MARCO: variants seen among roughly 807,000 people sequenced by gnomAD.
The protein encoded by MARCO is macrophage receptor with collagenous structure.
Under a neutral mutation model 70.0 loss-of-function variants are expected in MARCO, and 72 were observed. The observed-to-expected ratio is 1.03, with a 90% CI of 0.85 to 1.25. The LOEUF (loss-of-function observed/expected upper bound fraction) is 1.25, where lower values mean the gene tolerates loss of function less well. MARCO is among the 50% of genes most tolerant of loss of function. MARCO has a pLI of 0.00. For missense variants in MARCO, 696 were observed against 659.3 expected, an observed-to-expected ratio of 1.06 and a Z score of -0.61; for synonymous variants, 273 against 243.1, an observed-to-expected ratio of 1.12 and a Z score of -1.14.
chr2:118,969,318 G>A lies in MARCO; in HGVS notation c.199+57G>A. ...CTGGGGGGAGAGGGGTGACCCAGCT[G>A]GGCCCCTCAGATGAAGGGCTCAGGT... is the stretch of plus-strand genomic sequence containing the variant. On this transcript the variant is annotated intron_variant, in intron 2 of 16. Transcript: ENST00000327097. The A allele has an allele frequency of 2.9e-6, 4 of 1,392,646 alleles. No individual in the cohort carries two copies. The Admixed American group carries it at 5.1e-5, about 18-fold the overall frequency. 86.3% of individuals were successfully genotyped at this position (1,392,646 alleles called of 1,614,324 possible).
chr2:118,971,981 G>A (rs1303780281), intron 4 of MARCO, among the ~76,000 whole-genome samples: 4 of 152,220 alleles, frequency 2.6e-5, no homozygotes, highest in Admixed American at 6.5e-5. Flanking sequence ...GTGTCATGGA[G>A]GCGCAGGCTG....
chr2:118,955,629 T>G (rs1008395412), intron 1 of MARCO, among the ~76,000 whole-genome samples: 1 of 152,156 alleles, frequency 6.6e-6, no homozygotes, highest in Non-Finnish European at 1.5e-5. Context: ...TGCAAAAAGA[T>G]CTTCCCCTAG....
intron 15 of MARCO, among the ~76,000 whole-genome samples, chr2:118,992,757 T>C (rs1169074947): frequency 6.6e-6 from 1 of 151,544 alleles, no homozygotes; most frequent in Non-Finnish European, 1.5e-5. Context: ...TTTCCCTTCT[T>C]TCTTTCCTCT....
rs191213352 is a variant in MARCO, at chr2:118,955,031, C to A, written c.97+12634C>A. The stretch of plus-strand genomic sequence containing the variant: ...GCTCATCAACACCACACCCTCAACC[C>A]CCGCCCTGCCAAAAATAGAAAAAAA... On this transcript the variant is annotated intron_variant, in intron 1 of 16. Coordinates refer to ENST00000327097, the MANE Select transcript of MARCO (RefSeq NM_006770.4). Among the ~76,000 whole-genome samples the A allele has an allele frequency of 2.7e-3, 391 of 142,784 alleles. 2 individuals are homozygous for A. The highest frequency in any genetic ancestry group is 5.2e-4 in the Non-Finnish European group (35 of 67,166). The allele number at this position is 142,784 out of a possible 152,430, so 93.7% of individuals were successfully genotyped here.
At chr2:118,948,573 T>G (rs933243534) in intron 1 of MARCO, among the ~76,000 whole-genome samples, 3 of 152,202 alleles carry the variant, frequency 2.0e-5, no homozygotes, top group Non-Finnish European at 4.4e-5. Flanking sequence ...AAAGAAACCA[T>G]CATTTCCAAC....
In MARCO at chr2:118,970,280, G is replaced by A. The variant is rs1573391364; in HGVS notation, c.366G>A (p.Trp122Ter). The change falls in exon 3 of 17, where the codon TGG becomes TGA. Residue 122 changes from tryptophan to a stop codon, truncating the protein, a stop_gained. Transcript: ENST00000327097. LOFTEE classifies it high-confidence loss of function. ...AAGTCCTGCAGGCCCAACTCACCTG[G>A]GTCCGCGTCAGCCATGAGCACTTGC... ...RLQVLQAQLT[W>*]VRVSHEHLLQ... 4 of 1,614,044 alleles carry A rather than the reference G, an allele frequency of 2.5e-6. No homozygotes were observed. Among genetic ancestry groups the A allele is most frequent in the East Asian group, 2.2e-5 (1 of 44,860 alleles).
In MARCO at chr2:118,994,360, T is replaced by A. The variant is rs577279047; in HGVS notation, c.1430-27T>A. The A allele has an allele frequency of 6.8e-6, 11 of 1,613,872 alleles. No individual in the cohort carries two copies. The African/African-American group carries it at 1.3e-4, about 20-fold the overall frequency. On this transcript the variant is annotated intron_variant, in intron 16 of 16. Coordinates refer to ENST00000327097, the MANE Select transcript of MARCO (RefSeq NM_006770.4). ...TTGACTCTAATCCTACCCTTCTTCC[T>A]CTGTCTCTTGCTTTCTCTCTATCAA...
intron 16 of MARCO, 89 bp downstream of exon 16, chr2:118,993,389 T>A: frequency 7.4e-7 from 1 of 1,345,846 alleles, no homozygotes; most frequent in Non-Finnish European, 1.0e-6. Context: ...TGACTCAGTG[T>A]GGTTTTCTTT....
chr2:118,986,347 C>A (rs1429901369), intron 12 of MARCO, among the ~76,000 whole-genome samples: 1 of 134,592 alleles, frequency 7.4e-6, no homozygotes, highest in Non-Finnish European at 1.5e-5. Flanking sequence ...GTCCCCCTCT[C>A]TACAAAACAT....
At chr2:118,981,241 C>T (rs1020456916) in intron 8 of MARCO, among the ~76,000 whole-genome samples, 168 bp from the exon 9 acceptor site, 5 of 152,038 alleles carry the variant, frequency 3.3e-5, no homozygotes, top group South Asian at 2.1e-4. Flanking sequence ...TGGGGCAAAG[C>T]GGTGCACTCC....
intron 1 of MARCO, among the ~76,000 whole-genome samples, chr2:118,946,236 G>C (rs1265364296): frequency 6.6e-6 from 1 of 152,062 alleles, no homozygotes; most frequent in African/African-American, 2.4e-5. Context: ...GCAATCCATA[G>C]AGCTTATTCA....
intron 1 of MARCO, among the ~76,000 whole-genome samples, chr2:118,968,582 T>C (rs1434255259): frequency 2.0e-5 from 3 of 152,096 alleles, no homozygotes; most frequent in Non-Finnish European, 4.4e-5. Flanking sequence ...CCTTAGGGGG[T>C]TGAGGGATGA....
intron 1 of MARCO, among the ~76,000 whole-genome samples, chr2:118,963,344 C>G (rs1441219589): frequency 6.6e-6 from 1 of 151,516 alleles, no homozygotes. Context: ...TCTTAATGAC[C>G]CATGCATTAT....
intron 10 of MARCO, 148 bp downstream of exon 10, chr2:118,981,804 G>A (rs1680397719): frequency 1.2e-6 from 1 of 856,778 alleles, no homozygotes; most frequent in Non-Finnish European, 1.9e-6. Context: ...CTGGCCAAGA[G>A]GAACAGAGCA....
intron 4 of MARCO, among the ~76,000 whole-genome samples, 193 bp downstream of exon 4, chr2:118,971,727 G>A (rs1033847500): frequency 6.6e-6 from 1 of 152,188 alleles, no homozygotes; most frequent in African/African-American, 2.4e-5. Context: ...ACCCTGGGCT[G>A]TCATCCCCCT....
intron 1 of MARCO, among the ~76,000 whole-genome samples, chr2:118,951,767 C>T (rs1243780188): frequency 6.6e-6 from 1 of 152,152 alleles, no homozygotes; most frequent in East Asian, 1.9e-4. Context: ...GTACAGTTTT[C>T]TCTTTACTAC....
chr2:118,989,723 G>A (rs553210741), intron 12 of MARCO, among the ~76,000 whole-genome samples: 1 of 152,306 alleles, frequency 6.6e-6, no homozygotes, highest in African/African-American at 2.4e-5. Flanking sequence ...TGGGGACACA[G>A]ATACTTATGA....
chr2:118,973,647 G>A (rs950450188), intron 4 of MARCO, among the ~76,000 whole-genome samples: 5 of 152,130 alleles, frequency 3.3e-5, no homozygotes, highest in Non-Finnish European at 7.3e-5. Flanking sequence ...ATAGGTGGGT[G>A]GGGGAGGAGG....
intron 1 of MARCO, among the ~76,000 whole-genome samples, chr2:118,954,816 C>CA (rs1679797486): frequency 1.3e-5 from 2 of 152,006 alleles, no homozygotes; most frequent in African/African-American, 4.8e-5. Flanking sequence ...AGAAGAGAGA[C>CA]AAAAATCACT....
Sources: allele counts gnomAD v4.1 joint callset (sites outside exome capture counted in the v4.1 genomes callset), GRCh38; gene constraint gnomAD v4.1.1; transcripts MANE v1.5; gene names NCBI Gene and HGNC (gene_info 2026-07-23, HGNC 2026-07-21).